Variants in SLC9A9 observed in about 807,000 individuals in gnomAD.
SLC9A9 encodes sodium/hydrogen exchanger 9.
Under a neutral mutation model 77.8 loss-of-function variants are expected in SLC9A9, and 62 were observed. That is an observed-to-expected ratio of 0.80 (90% CI 0.65 to 0.98). The LOEUF (loss-of-function observed/expected upper bound fraction) is 0.98, where lower values mean the gene tolerates loss of function less well. SLC9A9 is among the 50% of genes least tolerant of loss of function. The probability of loss-of-function intolerance (pLI) is 0.00; values close to 1 mark genes in which losing one functional copy is unlikely to be tolerated. For missense variants in SLC9A9, 775 were observed against 774.9 expected (o/e 1.00, Z 0.00); for synonymous variants, 320 against 283.5 (o/e 1.13, Z -1.29).
chr3:143,429,088 T>C (rs2034459479), intron 12 of SLC9A9, among the ~76,000 whole-genome samples: 1 of 152,258 alleles, frequency 6.6e-6, no homozygotes, highest in South Asian at 2.1e-4. Context: ...TAAAGTGATA[T>C]GGTAATTATC....
intron 9 of SLC9A9, among the ~76,000 whole-genome samples, chr3:143,521,853 A>G (rs1395726890): frequency 6.6e-6 from 1 of 152,046 alleles, no homozygotes; most frequent in Non-Finnish European, 1.5e-5. Flanking sequence ...ATCTTTAGTT[A>G]TTATATTATA....
intron 12 of SLC9A9, among the ~76,000 whole-genome samples, chr3:143,396,841 T>C (rs984524883): frequency 2.6e-5 from 4 of 152,230 alleles, no homozygotes; most frequent in Non-Finnish European, 5.9e-5. Flanking sequence ...ATGGAGGTTT[T>C]GGACTTAAGA....
At chr3:143,555,681 C>T (rs1177765998) in intron 8 of SLC9A9, among the ~76,000 whole-genome samples, 1 of 152,176 alleles carries the variant, frequency 6.6e-6, no homozygotes, top group African/African-American at 2.4e-5. Context: ...AGGAACTAGC[C>T]AGAGATTTTA....
intron 5 of SLC9A9, among the ~76,000 whole-genome samples, chr3:143,666,714 G>C (rs183680249): frequency 2.5e-3 from 383 of 152,258 alleles, no homozygotes; most frequent in African/African-American, 8.2e-3. Context: ...CAAAGCATGA[G>C]TGAACTCCCA....
chr3:143,669,454 C>T (rs148685477), intron 5 of SLC9A9, among the ~76,000 whole-genome samples: 173 of 152,312 alleles, frequency 1.1e-3, no homozygotes, highest in African/African-American at 3.9e-3. Context: ...CTGCTTCAAA[C>T]GGTTTTCAGT....
At chr3:143,439,805 G>T (rs2034694108) in intron 12 of SLC9A9, among the ~76,000 whole-genome samples, 2 of 124,834 alleles carry the variant, frequency 1.6e-5, no homozygotes, top group African/African-American at 2.5e-5. Context: ...GGCTCTGGCA[G>T]GTGGGAAGGA....
chr3:143,446,561 A>G (rs1373655211), intron 12 of SLC9A9, among the ~76,000 whole-genome samples: 3 of 152,142 alleles, frequency 2.0e-5, no homozygotes, highest in Non-Finnish European at 4.4e-5. Flanking sequence ...TGAGAGACAG[A>G]GGGAAGAGGT....
intron 9 of SLC9A9, among the ~76,000 whole-genome samples, chr3:143,511,850 TTTG>T (rs1216844096): frequency 6.6e-6 from 1 of 152,242 alleles, no homozygotes; most frequent in Non-Finnish European, 1.5e-5. Flanking sequence ...CTTTCCACCA[TTTG>T]TTCTATATTT....
At position 143,484,714 on chromosome 3, in the gene SLC9A9, C is replaced by T. The variant is rs140885429; in HGVS notation, c.1315+8939G>A. 2.3e-4 allele frequency among the ~76,000 whole-genome samples: 35 copies of T among 152,262 alleles called. No homozygotes were observed. The East Asian group carries it at 5.4e-3, about 23-fold the overall frequency. ...ATGATTTTGATTTAACTTTTGTTCT[C>T]ATGACTTTGAAGGTAAATCTGAGGT... On this transcript the variant is annotated intron_variant, in intron 11 of 15. Coordinates refer to ENST00000316549, the MANE Select transcript of SLC9A9 (RefSeq NM_173653.4).
At chr3:143,493,228 A>G (rs958750627) in intron 11 of SLC9A9, among the ~76,000 whole-genome samples, 1 of 152,202 alleles carries the variant, frequency 6.6e-6, no homozygotes, top group Non-Finnish European at 1.5e-5. Flanking sequence ...GGAGCTTTGC[A>G]TAAGGAAGGA....
intron 4 of SLC9A9, among the ~76,000 whole-genome samples, chr3:143,762,982 T>A (rs1174979994): frequency 6.6e-6 from 1 of 152,176 alleles, no homozygotes; most frequent in East Asian, 1.9e-4. Flanking sequence ...TGGTCCAGGC[T>A]CTGCCATTCA....
chr3:143,493,614 G>C, intron 11 of SLC9A9, 39 bp downstream of exon 11: 1 of 1,563,462 alleles, frequency 6.4e-7, no homozygotes, highest in African/African-American at 1.4e-5. Context: ...AAAATTGTGA[G>C]AAAACCAGCA....
chr3:143,807,636 T>C (rs1302372829), intron 2 of SLC9A9, among the ~76,000 whole-genome samples: 1 of 152,156 alleles, frequency 6.6e-6, no homozygotes, highest in African/African-American at 2.4e-5. Flanking sequence ...TCCCAGCTAC[T>C]TGGGAGGCTG....
At chr3:143,527,213 T>C (rs1347764632) in intron 9 of SLC9A9, among the ~76,000 whole-genome samples, 4 of 152,342 alleles carry the variant, frequency 2.6e-5, no homozygotes, top group African/African-American at 9.6e-5. Flanking sequence ...TTTTCACAGA[T>C]AGCATGTAAT....
At chr3:143,637,256 A>G (rs2038538630) in intron 6 of SLC9A9, among the ~76,000 whole-genome samples, 1 of 125,788 alleles carries the variant, frequency 7.9e-6, no homozygotes, top group Non-Finnish European at 1.8e-5. Context: ...CAAGATATGA[A>G]TGAAAAATTT....
chr3:143,823,204 G>A (rs2009213898), intron 2 of SLC9A9, among the ~76,000 whole-genome samples: 1 of 152,194 alleles, frequency 6.6e-6, no homozygotes. Context: ...CTGCCCTCCT[G>A]GAGCCCACAG....
At chr3:143,772,004 C>G (rs959158592) in intron 4 of SLC9A9, among the ~76,000 whole-genome samples, 1 of 150,178 alleles carries the variant, frequency 6.7e-6, no homozygotes, top group East Asian at 2.0e-4. Context: ...TCCAAGACAG[C>G]CTCAGAGCAT....
chr3:143,574,000 T>A, intron 8 of SLC9A9, 88 bp downstream of exon 8: 2 of 1,147,426 alleles, frequency 1.7e-6, no homozygotes, highest in South Asian at 2.6e-5. Flanking sequence ...AGACTTCATT[T>A]CACCTCCTGC....
intron 5 of SLC9A9, among the ~76,000 whole-genome samples, chr3:143,678,101 C>T (rs1001950297): frequency 6.6e-6 from 1 of 152,192 alleles, no homozygotes; most frequent in Non-Finnish European, 1.5e-5. Context: ...GCTGGGATTA[C>T]AGGCATGAGC....
Sources: gnomAD v4.1 joint callset for allele counts (sites outside exome capture counted in the v4.1 genomes callset) on GRCh38, gnomAD v4.1.1 for gene constraint, MANE v1.5 for transcripts, NCBI Gene and HGNC (gene_info 2026-07-23, HGNC 2026-07-21) for gene names.